MTCL1: variants seen among roughly 807,000 people sequenced by gnomAD.
The protein encoded by MTCL1 is microtubule cross-linking factor 1.
A neutral mutation model predicts 141.4 loss-of-function variants in MTCL1; 79 were observed. That is an observed-to-expected ratio of 0.56 (90% CI 0.47 to 0.67). The LOEUF (loss-of-function observed/expected upper bound fraction) is 0.67. Ranked by LOEUF, MTCL1 falls within the 30% of genes least tolerant of loss-of-function variation. The pLI is 0.00. For missense variants in MTCL1, 2,177 were observed against 2,113.9 expected (o/e 1.03, Z -0.59); for synonymous variants, 914 against 875.8 (o/e 1.04, Z -0.77).
chr18:8,824,983 C>T (rs1222436231), exon 15 of MTCL1: 8 of 1,613,326 alleles, frequency 5.0e-6, no homozygotes, highest in Non-Finnish European at 1.7e-6. Flanking sequence ...TGGTACCTAA[C>T]CACAAGTGTC....
rs559520589 is a variant in MTCL1, at chr18:8,809,760, C to T, written c.2604+2700C>T. The T allele has an allele frequency of 5.5e-5, 41 of 743,940 alleles. No homozygotes were observed. The East Asian group carries it at 9.0e-4, about 16-fold the overall frequency. The allele number at this position is 743,940 out of a possible 1,614,324, so 46.1% of individuals were successfully genotyped here. A position where few individuals can be genotyped will look rare whatever the true frequency, so the allele number is the denominator to read the frequency against. The stretch of plus-strand genomic sequence containing the variant: ...CGATGGGCCATCACTGAGACAGGAA[C>T]GCAGAGAGACAACCAGTTGGGATGG... On this transcript the variant is annotated intron_variant, in intron 11 of 16. Coordinates refer to ENST00000359865, the Ensembl canonical transcript of MTCL1.
upstream of MTCL1, among the ~76,000 whole-genome samples, chr18:8,714,001 A>G (rs1486068782): frequency 6.6e-6 from 1 of 152,228 alleles, no homozygotes; most frequent in Non-Finnish European, 1.5e-5. Context: ...GTGTCTTCCT[A>G]AGAACCAGTT....
chr18:8,706,011 C>T, exon 1 of MTCL1: 2 of 1,166,188 alleles, frequency 1.7e-6, no homozygotes, highest in East Asian at 8.0e-5. Context: ...GCGCCGGGGC[C>T]AGAGCGGCGG....
chr18:8,813,138 T>C (rs971498018), exon 12 of MTCL1: 3 of 1,614,064 alleles, frequency 1.9e-6, no homozygotes, highest in Non-Finnish European at 2.5e-6. Flanking sequence ...CGAGAAGAAC[T>C]GGAACCGGGA....
intron 15 of MTCL1, among the ~76,000 whole-genome samples, chr18:8,826,688 A>T (rs558280520): frequency 1.4e-4 from 21 of 152,306 alleles, no homozygotes; most frequent in African/African-American, 4.3e-4. Flanking sequence ...ACTTCTCATC[A>T]GGAGCCACAA....
At chr18:8,790,809 G>A (rs566267850) in intron 7 of MTCL1, among the ~76,000 whole-genome samples, 1 of 152,268 alleles carries the variant, frequency 6.6e-6, no homozygotes, top group African/African-American at 2.4e-5. Flanking sequence ...GAGGTCAGGA[G>A]TTCGAGACCA....
chr18:8,718,487 G>A (rs1417922469), exon 3 of MTCL1: 1 of 1,614,224 alleles, frequency 6.2e-7, no homozygotes, highest in Non-Finnish European at 8.5e-7. Context: ...AGAGGAAGAT[G>A]TTTACCAGCT....
intron 8 of MTCL1, among the ~76,000 whole-genome samples, chr18:8,794,291 T>C (rs1166358863): frequency 1.3e-5 from 2 of 152,186 alleles, no homozygotes; most frequent in Middle Eastern, 3.2e-3. Flanking sequence ...GAAGGAGTAT[T>C]GCGGAAGAGG....
Position 8,825,021 on chromosome 18 carries a change from C to G in MTCL1, c.3511C>G (p.Pro1171Ala), listed in dbSNP as rs1256476028. 3 of 1,613,048 alleles carry G rather than the reference C, an allele frequency of 1.9e-6. No homozygotes were observed. Among genetic ancestry groups the G allele is most frequent in the Non-Finnish European group, 2.5e-6 (3 of 1,180,042 alleles). Reference sequence around the variant, plus strand: ...CATGACCACGGACACCATGACCAGCCCAGAGCACTGCCAGAAGCAGCCACT... The same window carrying G: ...CATGACCACGGACACCATGACCAGCGCAGAGCACTGCCAGAAGCAGCCACT... The change falls in exon 15 of 17, where the codon CCA becomes GCA. Residue 1171 changes from proline to alanine, a missense_variant. By Grantham distance (27) the Pro-to-Ala change is conservative. Transcript: ENST00000359865.
At chr18:8,804,863 C>T (rs936978270) in intron 10 of MTCL1, among the ~76,000 whole-genome samples, 7 of 151,898 alleles carry the variant, frequency 4.6e-5, no homozygotes, top group Non-Finnish European at 8.8e-5. Context: ...TGGCGGCACA[C>T]GCCTGTAGTC....
intron 7 of MTCL1, 40 bp downstream of exon 6, chr18:8,786,131 C>CCCCCCCCCCCTTT: frequency 6.6e-7 from 1 of 1,520,142 alleles, no homozygotes; most frequent in Non-Finnish European, 8.9e-7. Context: ...CGCCCTCCCC[C>CCCCCCCCCCCTTT]TCCTTTTTCT....
At chr18:8,744,690 GT>G (rs1167184250) in intron 4 of MTCL1, among the ~76,000 whole-genome samples, 1 of 151,672 alleles carries the variant, frequency 6.6e-6, no homozygotes, top group Non-Finnish European at 1.5e-5. Flanking sequence ...GCATGGTATG[GT>G]TTTTTTTGAG....
intron 4 of MTCL1, among the ~76,000 whole-genome samples, chr18:8,756,451 A>ATGTGTATATATGTGTATATG (rs1338448043): frequency 1.3e-4 from 19 of 143,698 alleles, no homozygotes; most frequent in Middle Eastern, 3.6e-3. Context: ...ATGTGTATAT[A>ATGTGTATATATGTGTATATG]TGTGTATATA....
chr18:8,717,948 T>C, exon 2 of MTCL1: 1 of 998,886 alleles, frequency 1.0e-6, no homozygotes, highest in Non-Finnish European at 1.2e-6. Context: ...AACAGAATTT[T>C]TGGGACATTT....
chr18:8,808,005 C>CA (rs530719223), intron 11 of MTCL1, among the ~76,000 whole-genome samples: 9,639 of 114,480 alleles, frequency 0.084, 759 homozygotes, highest in African/African-American at 0.2. Context: ...CTTGATGTGT[C>CA]AAAAAAAAAA....
At chr18:8,762,192 G>A (rs2096435768) in intron 4 of MTCL1, among the ~76,000 whole-genome samples, 1 of 152,190 alleles carries the variant, frequency 6.6e-6, no homozygotes, top group Non-Finnish European at 1.5e-5. Context: ...CTTAAAAGGT[G>A]TCTTTTTGTA....
chr18:8,818,143 A>T (rs2144334732), intron 12 of MTCL1, among the ~76,000 whole-genome samples: 1 of 152,328 alleles, frequency 6.6e-6, no homozygotes, highest in Admixed American at 6.5e-5. Context: ...GACTCCGGTG[A>T]GCCCACGTGC....
At chr18:8,807,054 G>A (rs1326772759) in exon 11 of MTCL1, 1 of 1,612,766 alleles carries the variant, frequency 6.2e-7, no homozygotes, top group African/African-American at 1.3e-5. Context: ...AGTGCCGTCT[G>A]GAACAGGTAC....
chr18:8,828,167 G>A lies in MTCL1; in HGVS notation c.4723-741G>A, dbSNP rs34740257. Among the ~76,000 whole-genome samples the A allele has an allele frequency of 0.028, 4,197 of 152,200 alleles. 134 individuals are homozygous for A. The highest frequency in any genetic ancestry group is 0.11 in the East Asian group (564 of 5,170). On this transcript the variant is annotated intron_variant, in intron 15 of 16. Transcript: ENST00000359865. This position sits in a 1 kb window ranked among gnomAD's most constrained non-coding sequence, Gnocchi z 5.2. The stretch of plus-strand genomic sequence containing the variant: ...AATTATGCAGTAGTTCTCGGTATGC[G>A]TTCCCAAATCCCCAGGACTACTTCT...
Sources: gnomAD v4.1 joint callset for allele counts (sites outside exome capture counted in the v4.1 genomes callset) on GRCh38, gnomAD v4.1.1 for gene constraint, Gnocchi (gnomAD v3.1) non-coding constraint, MANE v1.5 for transcripts, NCBI Gene and HGNC (gene_info 2026-07-23, HGNC 2026-07-21) for gene names.